ZHX2: variants seen among roughly 807,000 people sequenced by gnomAD.
ZHX2 encodes the protein zinc fingers and homeoboxes 2.
Under a neutral mutation model 21.9 loss-of-function variants are expected in ZHX2, and 6 were observed. The observed-to-expected ratio is 0.27, with a 90% CI of 0.15 to 0.54. The LOEUF is 0.54. ZHX2 is among the 20% of genes least tolerant of loss of function. The probability of loss-of-function intolerance (pLI) is 0.95; values close to 1 mark genes in which losing one functional copy is unlikely to be tolerated. For synonymous variants in ZHX2, 434 were observed against 437.1 expected, an observed-to-expected ratio of 0.99 and a Z score of 0.09; for missense variants, 908 against 1,090.7, an observed-to-expected ratio of 0.83 and a Z score of 2.36.
intron 1 of ZHX2, among the ~76,000 whole-genome samples, chr8:122,798,306 G>A (rs189113555): frequency 1.3e-3 from 200 of 152,300 alleles, no homozygotes; most frequent in African/African-American, 4.6e-3. Flanking sequence ...CTGATCAGGA[G>A]GGACCCTACA....
intron 1 of ZHX2, among the ~76,000 whole-genome samples, chr8:122,787,925 C>T (rs1004542769): frequency 3.3e-5 from 5 of 152,156 alleles, no homozygotes; most frequent in Non-Finnish European, 5.9e-5. Context: ...CAGAGGTGAC[C>T]GTTTAAACCA....
chr8:122,923,151 C>T (rs1384178999), intron 2 of ZHX2, among the ~76,000 whole-genome samples: 1 of 152,258 alleles, frequency 6.6e-6, no homozygotes, highest in Non-Finnish European at 1.5e-5. Flanking sequence ...TGAACTATTG[C>T]TGCACAGCAA....
chr8:122,880,526 A>G (rs567824926), intron 2 of ZHX2, among the ~76,000 whole-genome samples: 1 of 151,998 alleles, frequency 6.6e-6, no homozygotes, highest in South Asian at 2.1e-4. Flanking sequence ...TGTAATCCCA[A>G]CACTTCAGGA....
At chr8:122,814,776 G>A (rs1220153487) in intron 1 of ZHX2, among the ~76,000 whole-genome samples, 1 of 152,218 alleles carries the variant, frequency 6.6e-6, no homozygotes, top group African/African-American at 2.4e-5. Flanking sequence ...GAAAGACCAG[G>A]TGGTAGAGTT....
At chr8:122,832,981 C>T (rs892181238) in intron 1 of ZHX2, among the ~76,000 whole-genome samples, 4 of 152,018 alleles carry the variant, frequency 2.6e-5, no homozygotes, top group Admixed American at 1.3e-4. Context: ...GTAAAAAGGT[C>T]GCAAGCAAGG....
Position 122,953,593 on chromosome 8 carries a change from C to T in ZHX2, c.2083C>T (p.Gln695Ter). Residue 695 changes from glutamine to a stop codon, truncating the protein, a stop_gained, in exon 3 of 4, where the codon CAG becomes TAG. Coordinates refer to ENST00000314393, the MANE Select transcript of ZHX2 (RefSeq NM_014943.5). LOFTEE classifies it low-confidence loss of function (END_TRUNC). This position sits in a 1 kb window ranked among gnomAD's most constrained non-coding sequence, Gnocchi z 4.6. Reference protein sequence around the residue: ...TGTVKWMEQYQHQPMADDHGY... With the variant: ...TGTVKWMEQY ...AACCGTGAAGTGGATGGAGCAGTAC[C>T]AGCACCAGCCCATGGCAGATGATCA... The T allele has an allele frequency of 1.2e-6, 2 of 1,614,160 alleles. No homozygotes were observed. The highest frequency in any genetic ancestry group is 1.7e-6 in the Non-Finnish European group (2 of 1,180,034).
chr8:122,786,990 C>G (rs1360501068), intron 1 of ZHX2, among the ~76,000 whole-genome samples: 2 of 151,836 alleles, frequency 1.3e-5, no homozygotes, highest in Non-Finnish European at 2.9e-5. Context: ...TGCCCCCACC[C>G]TACATTGAGC....
At chr8:122,855,372 G>A (rs1819001784) in intron 1 of ZHX2, among the ~76,000 whole-genome samples, 1 of 152,188 alleles carries the variant, frequency 6.6e-6, no homozygotes. Flanking sequence ...GCTTTAGCTA[G>A]CTGCCAAGCC....
chr8:122,918,664 C>T (rs551300929), intron 2 of ZHX2, among the ~76,000 whole-genome samples: 64 of 152,226 alleles, frequency 4.2e-4, no homozygotes, highest in African/African-American at 1.5e-3. Flanking sequence ...ACTTTCTTTA[C>T]GTCCGGGCGC....
intron 1 of ZHX2, among the ~76,000 whole-genome samples, chr8:122,819,270 C>T (rs1818094577): frequency 6.6e-6 from 1 of 152,206 alleles, no homozygotes; most frequent in African/African-American, 2.4e-5. Context: ...GCTGCCTGAC[C>T]ACTCTGCACC....
chr8:122,885,522 A>G (rs1268135324), intron 2 of ZHX2, among the ~76,000 whole-genome samples: 1 of 152,074 alleles, frequency 6.6e-6, no homozygotes, highest in Non-Finnish European at 1.5e-5. Flanking sequence ...TCTCATCATA[A>G]CAGCACTGAC....
chr8:122,811,130 G>A (rs898237927), intron 1 of ZHX2, among the ~76,000 whole-genome samples: 2 of 151,988 alleles, frequency 1.3e-5, no homozygotes, highest in South Asian at 2.1e-4. Context: ...CTGTAATCCC[G>A]GCACTTTGGG....
At chr8:122,796,063 T>C (rs372581861) in intron 1 of ZHX2, among the ~76,000 whole-genome samples, 4 of 150,358 alleles carry the variant, frequency 2.7e-5, no homozygotes, top group African/African-American at 7.4e-5. Flanking sequence ...GCCAGCTACT[T>C]GGGAGGCTGA....
intron 1 of ZHX2, among the ~76,000 whole-genome samples, chr8:122,820,709 T>C (rs1189784658): frequency 6.6e-6 from 1 of 152,082 alleles, no homozygotes; most frequent in Non-Finnish European, 1.5e-5. Context: ...TGAATAAGAA[T>C]GGAAGGAAAA....
chr8:122,814,244 A>G (rs1246644614), intron 1 of ZHX2, among the ~76,000 whole-genome samples: 1 of 152,250 alleles, frequency 6.6e-6, no homozygotes, highest in Non-Finnish European at 1.5e-5. Context: ...GCCAGTTGCT[A>G]GGATTGGCTC....
intron 2 of ZHX2, among the ~76,000 whole-genome samples, chr8:122,869,374 C>A (rs1219730133): frequency 6.6e-6 from 1 of 151,380 alleles, no homozygotes; most frequent in Admixed American, 6.6e-5. Flanking sequence ...GTCGCCCAGG[C>A]TGGAGTGCAG....
At chr8:122,940,335 G>A (rs1331217748) in intron 2 of ZHX2, among the ~76,000 whole-genome samples, 1 of 152,216 alleles carries the variant, frequency 6.6e-6, no homozygotes, top group Admixed American at 6.5e-5. Flanking sequence ...TTGGTTTGGA[G>A]TAAATGAGTA....
At chr8:122,920,523 G>T (rs1313030576) in intron 2 of ZHX2, among the ~76,000 whole-genome samples, 1 of 151,958 alleles carries the variant, frequency 6.6e-6, no homozygotes, top group Non-Finnish European at 1.5e-5. Context: ...AAAACTCAAC[G>T]CCCACCTTCA....
At chr8:122,798,957 AG>A (rs1817664662) in intron 1 of ZHX2, among the ~76,000 whole-genome samples, 1 of 152,178 alleles carries the variant, frequency 6.6e-6, no homozygotes, top group Non-Finnish European at 1.5e-5. Context: ...TGAATCACCT[AG>A]TCCAATCCCC....
Sources: gnomAD v4.1 joint callset for allele counts (sites outside exome capture counted in the v4.1 genomes callset) on GRCh38, gnomAD v4.1.1 for gene constraint, Gnocchi (gnomAD v3.1) non-coding constraint, MANE v1.5 for transcripts, NCBI Gene and HGNC (gene_info 2026-07-23, HGNC 2026-07-21) for gene names.